Variants in PRKG1 observed in about 807,000 individuals in gnomAD.
The protein encoded by PRKG1 is protein kinase cGMP-dependent 1.
In PRKG1, 35 loss-of-function variants were observed where a neutral mutation model predicts 88.1. That is an observed-to-expected ratio of 0.40 (90% CI 0.30 to 0.53). PRKG1 has a LOEUF of 0.53. PRKG1 is among the 20% of genes least tolerant of loss of function. PRKG1 has a pLI of 0.59. For missense variants in PRKG1, 540 were observed against 839.8 expected (o/e 0.64, Z 4.41); for synonymous variants, 303 against 292.5 (o/e 1.04, Z -0.37).
intron 2 of PRKG1, among the ~76,000 whole-genome samples, chr10:51,260,406 G>T (rs1284612920): frequency 6.6e-6 from 1 of 151,914 alleles, no homozygotes; most frequent in Non-Finnish European, 1.5e-5. Context: ...TCTCCTAGAT[G>T]ATTATTTTTT....
At chr10:51,006,296 C>T (rs1278240416) in intron 1 of PRKG1, among the ~76,000 whole-genome samples, 1 of 152,176 alleles carries the variant, frequency 6.6e-6, no homozygotes, top group Non-Finnish European at 1.5e-5. Context: ...CTGACGTTAT[C>T]ATGCAAAAAT....
intron 3 of PRKG1, among the ~76,000 whole-genome samples, chr10:51,692,751 G>A (rs1841177044): frequency 6.6e-6 from 1 of 152,124 alleles, no homozygotes; most frequent in Admixed American, 6.5e-5. Context: ...GCTGGCATGA[G>A]CCACTGCATC....
intron 2 of PRKG1, among the ~76,000 whole-genome samples, chr10:51,244,177 A>C (rs964834207): frequency 6.6e-6 from 1 of 152,200 alleles, no homozygotes; most frequent in South Asian, 2.1e-4. Context: ...GATACTTTAC[A>C]TAAAATGTAA....
intron 5 of PRKG1, among the ~76,000 whole-genome samples, chr10:52,029,135 A>T (rs977416799): frequency 1.3e-5 from 2 of 152,210 alleles, no homozygotes; most frequent in African/African-American, 4.8e-5. Context: ...CTATTCTTGC[A>T]TATTATGTTC....
intron 3 of PRKG1, among the ~76,000 whole-genome samples, chr10:51,672,130 T>C (rs966418896): frequency 6.6e-6 from 1 of 152,090 alleles, no homozygotes; most frequent in Admixed American, 6.5e-5. Flanking sequence ...AGATTTTTTT[T>C]TTACCTATTT....
intron 3 of PRKG1, among the ~76,000 whole-genome samples, chr10:51,592,504 T>A (rs1424148690): frequency 6.6e-6 from 1 of 152,164 alleles, no homozygotes; most frequent in Non-Finnish European, 1.5e-5. Context: ...CAATCAATAC[T>A]TGCCTATTGA....
chr10:51,119,585 A>G (rs2879522), intron 1 of PRKG1, among the ~76,000 whole-genome samples: 121,068 of 151,866 alleles, frequency 0.8, 48,832 homozygotes, highest in South Asian at 0.88. Context: ...TTCTACTCTA[A>G]TTTAATGACC....
At chr10:51,125,822 A>G (rs1845383108) in intron 1 of PRKG1, among the ~76,000 whole-genome samples, 1 of 143,168 alleles carries the variant, frequency 7.0e-6, no homozygotes, top group South Asian at 2.1e-4. Context: ...TAAAAATTAT[A>G]AATATGTAAT....
intron 3 of PRKG1, among the ~76,000 whole-genome samples, chr10:51,661,789 T>C (rs906020503): frequency 1.3e-5 from 2 of 152,192 alleles, no homozygotes; most frequent in African/African-American, 4.8e-5. Context: ...CATATGTTTA[T>C]TGCAGCACTA....
intron 3 of PRKG1, among the ~76,000 whole-genome samples, chr10:51,691,976 G>A (rs557678382): frequency 6.6e-6 from 1 of 152,148 alleles, no homozygotes; most frequent in South Asian, 2.1e-4. Context: ...AAATAGATGA[G>A]GATCTTTTCC....
At chr10:51,678,015 G>T (rs899972737) in intron 3 of PRKG1, among the ~76,000 whole-genome samples, 2 of 152,140 alleles carry the variant, frequency 1.3e-5, no homozygotes, top group Non-Finnish European at 2.9e-5. Context: ...GAAAAAAAGA[G>T]AATTAAAGAT....
chr10:51,830,570 T>G (rs552227245), intron 4 of PRKG1, among the ~76,000 whole-genome samples: 21 of 133,406 alleles, frequency 1.6e-4, no homozygotes, highest in Non-Finnish European at 2.8e-4. Flanking sequence ...GTTTTTTTTT[T>G]TTTTTTTTTG....
rs550261510 is a variant in PRKG1 at position 52,077,008 on chromosome 10, T to A, written c.935+14377T>A. 1.6e-3 allele frequency among the ~76,000 whole-genome samples: 238 copies of A among 151,332 alleles called. 2 individuals are homozygous for A. The highest frequency in any genetic ancestry group is 3.4e-3 in the Middle Eastern group (1 of 292). On this transcript the variant is annotated intron_variant, in intron 7 of 17. Transcript: ENST00000373980. The stretch of plus-strand genomic sequence containing the variant: ...AACAGTTTGGCAGTTTTTTTTTTTT[T>A]AAAACTTAAACATATTACCTACCAT...
At chr10:51,105,316 A>C (rs1844806050) in intron 1 of PRKG1, among the ~76,000 whole-genome samples, 1 of 152,236 alleles carries the variant, frequency 6.6e-6, no homozygotes, top group Non-Finnish European at 1.5e-5. Context: ...TAAAATCTCC[A>C]AATGCAAAAT....
At chr10:51,610,448 A>G (rs1838878084) in intron 3 of PRKG1, among the ~76,000 whole-genome samples, 2 of 152,150 alleles carry the variant, frequency 1.3e-5, no homozygotes, top group South Asian at 4.1e-4. Context: ...AGTTCCACCC[A>G]TGTAGTTGCA....
intron 3 of PRKG1, among the ~76,000 whole-genome samples, chr10:51,594,914 AAT>A (rs1838404473): frequency 6.6e-6 from 1 of 152,198 alleles, no homozygotes; most frequent in African/African-American, 2.4e-5. Flanking sequence ...GGAATTATAA[AAT>A]TTGGATTAGA....
At chr10:51,498,695 C>G (rs1340071807) in intron 3 of PRKG1, among the ~76,000 whole-genome samples, 1 of 151,868 alleles carries the variant, frequency 6.6e-6, no homozygotes, top group East Asian at 1.9e-4. Context: ...GTTTTTTGTC[C>G]CTGGAAGTTT....
At chr10:51,194,715 T>C (rs748010058) in intron 2 of PRKG1, among the ~76,000 whole-genome samples, 1 of 152,148 alleles carries the variant, frequency 6.6e-6, no homozygotes, top group Non-Finnish European at 1.5e-5. Context: ...CTTGGTAATT[T>C]ATAATAAACA....
chr10:51,497,401 T>C (rs56778849), intron 3 of PRKG1, among the ~76,000 whole-genome samples: 12,068 of 151,974 alleles, frequency 0.079, 1,531 homozygotes, highest in African/African-American at 0.27. Flanking sequence ...GTCACAACAG[T>C]GGAAAAAAAT....
Sources: allele counts gnomAD v4.1 joint callset (sites outside exome capture counted in the v4.1 genomes callset), GRCh38; gene constraint gnomAD v4.1.1; transcripts MANE v1.5; gene names NCBI Gene and HGNC (gene_info 2026-07-23, HGNC 2026-07-21).